Variants in SOBP observed in about 807,000 individuals in gnomAD.
SOBP encodes sine oculis-binding protein homolog.
In SOBP, 4 loss-of-function variants were observed where a neutral mutation model predicts 53.6. The ratio of observed to expected loss-of-function variants is 0.07; its 90% CI spans 0.04 to 0.17. The LOEUF (loss-of-function observed/expected upper bound fraction) is 0.17. Ranked by LOEUF, SOBP falls within the 10% of genes least tolerant of loss-of-function variation. SOBP has a pLI of 1.00. For synonymous variants in SOBP, 584 were observed against 522.6 expected (o/e 1.12, Z -1.60); for missense variants, 1,088 against 1,204.7 (o/e 0.90, Z 1.43).
intron 4 of SOBP, among the ~76,000 whole-genome samples, chr6:107,539,760 C>G (rs1294917608): frequency 6.6e-6 from 1 of 152,186 alleles, no homozygotes; most frequent in Admixed American, 6.5e-5. Flanking sequence ...CCTTATTGAT[C>G]CAGTCACTTA....
At chr6:107,590,892 A>G (rs1039785602) in intron 5 of SOBP, among the ~76,000 whole-genome samples, 1 of 152,202 alleles carries the variant, frequency 6.6e-6, no homozygotes, top group Non-Finnish European at 1.5e-5. Flanking sequence ...CTCAATAAAC[A>G]TGACATTATT....
chr6:107,613,289 G>A (rs1241545472), intron 5 of SOBP, among the ~76,000 whole-genome samples: 2 of 152,178 alleles, frequency 1.3e-5, no homozygotes, highest in African/African-American at 2.4e-5. Flanking sequence ...AGAGTTTCTC[G>A]AAGGTCCTAA....
At chr6:107,536,700 G>A (rs1038002889) in intron 4 of SOBP, among the ~76,000 whole-genome samples, 2 of 152,038 alleles carry the variant, frequency 1.3e-5, no homozygotes, top group African/African-American at 4.8e-5. Context: ...AGAGTTGTCT[G>A]GATTGCTACG....
intron 6 of SOBP, among the ~76,000 whole-genome samples, chr6:107,655,934 C>T (rs1301512939): frequency 6.6e-6 from 1 of 152,140 alleles, no homozygotes; most frequent in Non-Finnish European, 1.5e-5. Flanking sequence ...TGCAGCATCC[C>T]TAAGTAAGCA....
intron 1 of SOBP, among the ~76,000 whole-genome samples, chr6:107,495,827 A>G (rs1285203104): frequency 6.6e-6 from 1 of 152,140 alleles, no homozygotes; most frequent in African/African-American, 2.4e-5. Context: ...CTGACTCTTT[A>G]TACTTAACAA....
chr6:107,628,165 A>G (rs920069893), intron 5 of SOBP, among the ~76,000 whole-genome samples: 1 of 152,234 alleles, frequency 6.6e-6, no homozygotes, highest in Non-Finnish European at 1.5e-5. Context: ...TAATGGTTCT[A>G]ACGCTCATTT....
rs374871542 is a variant in SOBP, at chr6:107,635,211, G to T, written c.2367G>T (p.Lys789Asn). Residue 789 changes from lysine (K) to asparagine (N), a missense_variant, in exon 6 of 7, where the codon AAG becomes AAT. Coordinates refer to ENST00000317357, the MANE Select transcript of SOBP (RefSeq NM_018013.4). This position sits in a 1 kb window ranked among gnomAD's most constrained non-coding sequence, Gnocchi z 4.5. The stretch of plus-strand genomic sequence containing the variant: ...ACCTGGACGGGGAGGCGGCCAAAAA[G>T]CTGATGGGCGAGGAGGCCCTGGCGG... The part of the protein sequence containing the change: ...NCHLDGEAAK[K>N]LMGEEALAGG... The T allele has an allele frequency of 6.2e-7, 1 of 1,613,948 alleles. No homozygotes were observed. Among genetic ancestry groups the T allele is most frequent in the Non-Finnish European group, 8.5e-7 (1 of 1,179,982 alleles).
At position 107,635,962 on chromosome 6, in the gene SOBP, G is replaced by A. The variant is rs140314943; in HGVS notation, c.*3+493G>A. Among the ~76,000 whole-genome samples the A allele has an allele frequency of 2.0e-5, 3 of 152,326 alleles. No individual in the cohort carries two copies. Among genetic ancestry groups the A allele is most frequent in the African/African-American group, 7.2e-5 (3 of 41,572 alleles). ...GAGCTGGTTGCCTCATTGGCAGAAT[G>A]TCACCAAATTTTCTTGATAAGGACG... On this transcript the variant is annotated intron_variant, in intron 6 of 6. Coordinates refer to ENST00000317357, the MANE Select transcript of SOBP (RefSeq NM_018013.4). This position sits in a 1 kb window ranked among gnomAD's most constrained non-coding sequence, Gnocchi z 4.5.
Position 107,635,608 on chromosome 6 carries a change from T to C in SOBP, c.*3+139T>C. 1 of 1,219,460 alleles carries C rather than the reference T, an allele frequency of 8.2e-7. No homozygotes were observed. Among genetic ancestry groups the C allele is most frequent in the Non-Finnish European group, 1.2e-6 (1 of 857,328 alleles). 75.5% of individuals were successfully genotyped at this position (1,219,460 alleles called of 1,614,324 possible). A position where few individuals can be genotyped will look rare whatever the true frequency, so the allele number is the denominator to read the frequency against. On this transcript the variant is annotated intron_variant, in intron 6 of 6. Coordinates refer to ENST00000317357, the MANE Select transcript of SOBP (RefSeq NM_018013.4). This position sits in a 1 kb window ranked among gnomAD's most constrained non-coding sequence, Gnocchi z 4.5. Reference sequence around the variant, plus strand: ...TATTGCACACGGTGTGGTCACGCTATCAACATTCTGAGCCAGCAGCTCTGA... The same window carrying C: ...TATTGCACACGGTGTGGTCACGCTACCAACATTCTGAGCCAGCAGCTCTGA...
At chr6:107,588,130 A>C (rs2115061317) in intron 5 of SOBP, among the ~76,000 whole-genome samples, 1 of 152,358 alleles carries the variant, frequency 6.6e-6, no homozygotes, top group South Asian at 2.1e-4. Context: ...ATTTCTGTTT[A>C]GTTTTTTGGC....
chr6:107,649,794 G>T (rs1168266776), intron 6 of SOBP, among the ~76,000 whole-genome samples: 2 of 152,136 alleles, frequency 1.3e-5, no homozygotes, highest in Admixed American at 6.5e-5. Context: ...CCAGGTTCTG[G>T]AAAGAACTTA....
intron 5 of SOBP, among the ~76,000 whole-genome samples, chr6:107,619,068 C>A (rs905455430): frequency 6.6e-6 from 1 of 152,110 alleles, no homozygotes; most frequent in Non-Finnish European, 1.5e-5. Context: ...TGTTAACATG[C>A]GGAGGGGCCC....
Position 107,649,163 on chromosome 6 carries a change from CAAAAAAAAA to C in SOBP, c.*4-9025_*4-9017del, listed in dbSNP as rs61034738. Among the ~76,000 whole-genome samples, 75 of 40,418 alleles carry C rather than the reference CAAAAAAAAA, an allele frequency of 1.9e-3. No individual in the cohort carries two copies. In the South Asian group the frequency reaches 0.062, roughly 33 times the overall value. The allele number at this position is 40,418 out of a possible 152,430, so 26.5% of individuals were successfully genotyped here. ...CAAGACCTTGCCCCGCCCCCACTAC[CAAAAAAAAA>C]AAAAAAAAAAAAAAAAAACCATCAG... On this transcript the variant is annotated intron_variant, in intron 6 of 6. Transcript: ENST00000317357.
At chr6:107,647,490 G>A (rs777411806) in intron 6 of SOBP, among the ~76,000 whole-genome samples, 2 of 152,220 alleles carry the variant, frequency 1.3e-5, no homozygotes, top group Non-Finnish European at 2.9e-5. Context: ...GCTCGTAGTA[G>A]ATGCTTATTA....
intron 4 of SOBP, among the ~76,000 whole-genome samples, chr6:107,570,166 C>T (rs1027205281): frequency 6.6e-6 from 1 of 152,192 alleles, no homozygotes; most frequent in Admixed American, 6.5e-5. Context: ...TATTGTCCTT[C>T]GTCTCCTGCA....
At chr6:107,616,238 C>T (rs1223619895) in intron 5 of SOBP, among the ~76,000 whole-genome samples, 1 of 152,090 alleles carries the variant, frequency 6.6e-6, no homozygotes, top group African/African-American at 2.4e-5. Flanking sequence ...GAAGGAGACA[C>T]TTAGCATCCT....
chr6:107,543,435 C>T (rs1171576564), intron 4 of SOBP, among the ~76,000 whole-genome samples: 2 of 152,230 alleles, frequency 1.3e-5, no homozygotes, highest in African/African-American at 4.8e-5. Context: ...ATTACATGCT[C>T]ATACCTGAAT....
intron 3 of SOBP, among the ~76,000 whole-genome samples, chr6:107,517,622 C>T (rs112217995): frequency 0.013 from 1,998 of 152,202 alleles, 43 homozygotes; most frequent in African/African-American, 0.042. Flanking sequence ...AAAGATGACA[C>T]GGTAGAGCAG....
intron 4 of SOBP, among the ~76,000 whole-genome samples, chr6:107,560,434 C>T (rs1046663518): frequency 3.3e-5 from 5 of 152,140 alleles, no homozygotes; most frequent in Non-Finnish European, 5.9e-5. Context: ...CACCCAATGA[C>T]GGATTCCTTC....
Sources: allele counts gnomAD v4.1 joint callset (sites outside exome capture counted in the v4.1 genomes callset), GRCh38; gene constraint gnomAD v4.1.1; non-coding constraint Gnocchi (gnomAD v3.1); transcripts MANE v1.5; gene names NCBI Gene and HGNC (gene_info 2026-07-23, HGNC 2026-07-21).